GLMN: variants seen among roughly 807,000 people sequenced by gnomAD.
GLMN encodes glomulin, FKBP associated protein.
In GLMN, 75 loss-of-function variants were observed where a neutral mutation model predicts 87.8. The observed-to-expected ratio is 0.85, with a 90% CI of 0.71 to 1.04. GLMN has a LOEUF of 1.04. Among genes scored for constraint, GLMN ranks in the 50% least tolerant of loss-of-function variants. The pLI, the probability that GLMN is intolerant of heterozygous loss-of-function variation, is 0.00. For missense variants in GLMN, 588 were observed against 658.8 expected, an observed-to-expected ratio of 0.89 and a Z score of 1.18; for synonymous variants, 206 against 221.6, an observed-to-expected ratio of 0.93 and a Z score of 0.63.
chr1:92,318,641 C>T, the GLMN span, among the ~76,000 whole-genome samples: 7 of 152,214 alleles, frequency 4.6e-5, no homozygotes, highest in African/African-American at 1.7e-4. Flanking sequence ...CATATGGGCT[C>T]TCATTTCTCT....
At chr1:92,361,532 GAAGAA>G in the GLMN span, among the ~76,000 whole-genome samples, 3 of 152,260 alleles carry the variant, frequency 2.0e-5, no homozygotes, top group East Asian at 5.8e-4. Context: ...TATTGTGACT[GAAGAA>G]AAGACTTTCA....
the GLMN span, among the ~76,000 whole-genome samples, chr1:92,341,055 T>A: frequency 1.3e-5 from 2 of 152,134 alleles, no homozygotes; most frequent in African/African-American, 4.8e-5. Flanking sequence ...GTCACCCAGG[T>A]TGGACTGCCG....
At chr1:92,252,543 AAC>A (rs1653656054) in intron 16 of GLMN, among the ~76,000 whole-genome samples, 1 of 152,232 alleles carries the variant, frequency 6.6e-6, no homozygotes, top group Non-Finnish European at 1.5e-5. Context: ...AGGTAATAAA[AAC>A]ACATGCCAAA....
chr1:92,252,079 T>TA (rs1376589937), intron 16 of GLMN, among the ~76,000 whole-genome samples: 1 of 152,176 alleles, frequency 6.6e-6, no homozygotes, highest in Non-Finnish European at 1.5e-5. Flanking sequence ...ATTACAGTGA[T>TA]AAAGTTTTAT....
the GLMN span, among the ~76,000 whole-genome samples, chr1:92,366,188 G>A: frequency 4.6e-5 from 7 of 152,154 alleles, no homozygotes; most frequent in South Asian, 2.1e-4. Flanking sequence ...CTGTAGTCTC[G>A]GCTATTTGGG....
chr1:92,264,202 A>C (rs532418264), intron 14 of GLMN, among the ~76,000 whole-genome samples: 39 of 152,048 alleles, frequency 2.6e-4, no homozygotes, highest in African/African-American at 8.7e-4. Context: ...AGTCCCAATT[A>C]CTCGGGAGGC....
the GLMN span, among the ~76,000 whole-genome samples, chr1:92,327,478 C>T: frequency 2.3e-4 from 35 of 152,310 alleles, no homozygotes; most frequent in African/African-American, 5.3e-4. Context: ...AGAATAGCTA[C>T]TTCTCACTTT....
intron 7 of GLMN, among the ~76,000 whole-genome samples, chr1:92,283,678 T>A (rs1186427735): frequency 6.6e-6 from 1 of 152,194 alleles, no homozygotes; most frequent in Non-Finnish European, 1.5e-5. Flanking sequence ...GGAAGTCAAA[T>A]TGTCTCTGTT....
chr1:92,266,779 A>C (rs1367017491), intron 11 of GLMN, 38 bp from the exon 12 acceptor site: 4 of 1,362,610 alleles, frequency 2.9e-6, no homozygotes. Context: ...ATGTAAACAG[A>C]TTATACTGAC....
At chr1:92,364,927 A>G in the GLMN span, among the ~76,000 whole-genome samples, 1 of 152,190 alleles carries the variant, frequency 6.6e-6, no homozygotes, top group South Asian at 2.1e-4. Flanking sequence ...ATAATTTTGC[A>G]TGAAATTCAA....
chr1:92,324,476 A>C, the GLMN span: 5 of 874,800 alleles, frequency 5.7e-6, no homozygotes, highest in Non-Finnish European at 8.7e-6. Context: ...TTAATTGTTA[A>C]ATTTTCAAAT....
chr1:92,283,098 A>G (rs1315713916), intron 7 of GLMN, among the ~76,000 whole-genome samples: 1 of 152,224 alleles, frequency 6.6e-6, no homozygotes, highest in African/African-American at 2.4e-5. Context: ...ATCAATAGAA[A>G]AAGAGGGAAT....
intron 8 of GLMN, among the ~76,000 whole-genome samples, chr1:92,270,536 A>C (rs1028735833): frequency 6.6e-5 from 10 of 152,230 alleles, no homozygotes; most frequent in Non-Finnish European, 1.3e-4. Flanking sequence ...CCAGTATTTC[A>C]ACATTTACAT....
intron 16 of GLMN, among the ~76,000 whole-genome samples, chr1:92,260,113 G>C (rs1294604973): frequency 6.6e-6 from 1 of 152,030 alleles, no homozygotes; most frequent in African/African-American, 2.4e-5. Flanking sequence ...AGACATATTT[G>C]CCTCTCAGTT....
intron 7 of GLMN, among the ~76,000 whole-genome samples, chr1:92,279,800 A>T (rs1402191706): frequency 1.3e-5 from 2 of 152,232 alleles, no homozygotes; most frequent in African/African-American, 4.8e-5. Flanking sequence ...ACCAGGAGAT[A>T]CCCTGCCATG....
intron 16 of GLMN, among the ~76,000 whole-genome samples, chr1:92,251,586 T>G (rs145454524): frequency 6.6e-6 from 1 of 152,200 alleles, no homozygotes; most frequent in East Asian, 1.9e-4. Context: ...AATTGATAAG[T>G]TGGACTCCAT....
At chr1:92,278,064 T>C (rs927232921) in intron 7 of GLMN, among the ~76,000 whole-genome samples, 9 of 152,104 alleles carry the variant, frequency 5.9e-5, no homozygotes, top group East Asian at 3.9e-4. Context: ...GGACACCCAA[T>C]TGGTGTCCGT....
chr1:92,247,914 T>C lies in GLMN; in HGVS notation c.1549A>G (p.Lys517Glu). Residue 517 changes from lysine (K) to glutamate (E), a missense_variant, in exon 17 of 19, where the codon AAA (lysine) becomes GAA (glutamate). Transcript: ENST00000370360. The part of the protein sequence containing the change: ...KPLHIGLNMS[K>E]AHYEAEIKNS... ...TTAATTTCTGCTTCATAATGTGCTT[T>C]TGACATATTAAGTCCTATATGAAGT... The C allele has an allele frequency of 7.1e-7, 1 of 1,402,022 alleles. No individual in the cohort carries two copies. Among genetic ancestry groups the C allele is most frequent in the Non-Finnish European group, 1.0e-6 (1 of 987,852 alleles). The allele number at this position is 1,402,022 out of a possible 1,614,324, so 86.8% of individuals were successfully genotyped here.
intron 7 of GLMN, among the ~76,000 whole-genome samples, chr1:92,273,118 G>A (rs1316187127): frequency 1.3e-5 from 2 of 152,194 alleles, no homozygotes; most frequent in East Asian, 1.9e-4. Flanking sequence ...TGCTGGGCCT[G>A]ACTTTGTGGG....
Sources: gnomAD v4.1 joint callset for allele counts (sites outside exome capture counted in the v4.1 genomes callset) on GRCh38, gnomAD v4.1.1 for gene constraint, MANE v1.5 for transcripts, NCBI Gene and HGNC (gene_info 2026-07-23, HGNC 2026-07-21) for gene names.